ZNF521: variants seen among roughly 807,000 people sequenced by gnomAD.
ZNF521 encodes zinc finger protein 521.
ZNF521 carries 14 observed loss-of-function variants against 105.5 expected under a neutral mutation model. That is an observed-to-expected ratio of 0.13 (90% CI 0.09 to 0.21). ZNF521 has a LOEUF of 0.21. Among genes scored for constraint, ZNF521 ranks in the 10% least tolerant of loss-of-function variants. The pLI, the probability that ZNF521 is intolerant of heterozygous loss-of-function variation, is 1.00. For missense variants in ZNF521, 1,233 were observed against 1,629.7 expected, an observed-to-expected ratio of 0.76 and a Z score of 4.19; for synonymous variants, 635 against 606.0, an observed-to-expected ratio of 1.05 and a Z score of -0.70.
rs2035880438 is a variant in ZNF521, at chr18:25,195,070, A to G, written c.3658+90T>C. The G allele has an allele frequency of 2.8e-5, 29 of 1,035,264 alleles. No individual in the cohort carries two copies. The South Asian group carries it at 3.6e-4, about 13-fold the overall frequency. 64.1% of individuals were successfully genotyped at this position (1,035,264 alleles called of 1,614,324 possible). A position where few individuals can be genotyped will look rare whatever the true frequency, so the allele number is the denominator to read the frequency against. ...TGCCGAGGAAAAACAATGATGGTTGAACAATTAATTCATCTTTAACTCTGT... is the reference window on the plus strand; with the variant it reads ...TGCCGAGGAAAAACAATGATGGTTGGACAATTAATTCATCTTTAACTCTGT... On this transcript the variant is annotated intron_variant, in intron 5 of 7. Transcript: ENST00000361524.
At chr18:25,273,813 A>G (rs1396736903) in intron 3 of ZNF521, among the ~76,000 whole-genome samples, 1 of 152,170 alleles carries the variant, frequency 6.6e-6, no homozygotes, top group Admixed American at 6.5e-5. Context: ...TACAGGCCTT[A>G]TTATAAGAAA....
intron 4 of ZNF521, among the ~76,000 whole-genome samples, chr18:25,206,889 C>T (rs986652413): frequency 6.6e-6 from 1 of 152,098 alleles, no homozygotes; most frequent in African/African-American, 2.4e-5. Context: ...GTTGTTTGTA[C>T]TCTTAGTAAA....
chr18:25,080,445 G>A (rs1245197774), intron 7 of ZNF521, among the ~76,000 whole-genome samples: 1 of 152,190 alleles, frequency 6.6e-6, no homozygotes, highest in Admixed American at 6.5e-5. Flanking sequence ...CTGCAGGGCA[G>A]AGCCTGTTCC....
At chr18:25,224,247 G>T in intron 4 of ZNF521, 98 bp downstream of exon 4, 2 of 1,114,686 alleles carry the variant, frequency 1.8e-6, no homozygotes, top group Non-Finnish European at 2.6e-6. Flanking sequence ...AGCATCTTTT[G>T]GCCCATGACA....
intron 7 of ZNF521, among the ~76,000 whole-genome samples, chr18:25,071,137 G>C (rs1008038846): frequency 6.6e-6 from 1 of 152,040 alleles, no homozygotes; most frequent in Non-Finnish European, 1.5e-5. Flanking sequence ...TTATAAGATG[G>C]TATTTTCCCC....
In ZNF521 at chr18:25,070,630, T is replaced by C. The variant is rs148821741; in HGVS notation, c.3907-7889A>G. Among the ~76,000 whole-genome samples the C allele has an allele frequency of 9.5e-3, 1,453 of 152,236 alleles. 32 individuals carry two copies. Among genetic ancestry groups the C allele is most frequent in the African/African-American group, 0.033 (1,364 of 41,534 alleles). On this transcript the variant is annotated intron_variant, in intron 7 of 7. Transcript: ENST00000361524. ...CTGACATTTGGCGCTGGACAATTCTTTGTTGCAGGGGGTTGTCCTGGGTAT... is the reference window on the plus strand; with the variant it reads ...CTGACATTTGGCGCTGGACAATTCTCTGTTGCAGGGGGTTGTCCTGGGTAT...
chr18:25,186,104 T>C (rs58364951), intron 5 of ZNF521, among the ~76,000 whole-genome samples: 25,562 of 152,226 alleles, frequency 0.17, 2,668 homozygotes, highest in Middle Eastern at 0.23. Flanking sequence ...TTGAAAGTCT[T>C]ACTTTTCAGT....
At chr18:25,269,198 T>A (rs747326215) in intron 3 of ZNF521, among the ~76,000 whole-genome samples, 4 of 151,260 alleles carry the variant, frequency 2.6e-5, no homozygotes, top group African/African-American at 4.9e-5. Context: ...AAGAAGGGCA[T>A]TACATAATCG....
At chr18:25,286,535 C>T (rs2145010304) in intron 3 of ZNF521, among the ~76,000 whole-genome samples, 1 of 152,242 alleles carries the variant, frequency 6.6e-6, no homozygotes, top group South Asian at 2.1e-4. Flanking sequence ...AACAGATTTC[C>T]AATCTTAGCT....
intron 3 of ZNF521, among the ~76,000 whole-genome samples, chr18:25,262,608 G>A (rs1908986452): frequency 6.6e-6 from 1 of 152,134 alleles, no homozygotes; most frequent in African/African-American, 2.4e-5. Context: ...TGAAACTCAT[G>A]GGTAAGAAAA....
At chr18:25,092,557 T>C (rs2033768590) in intron 5 of ZNF521, among the ~76,000 whole-genome samples, 1 of 152,232 alleles carries the variant, frequency 6.6e-6, no homozygotes, top group Non-Finnish European at 1.5e-5. Context: ...TTTCCAAGAA[T>C]TTCTGGCAAT....
intron 5 of ZNF521, among the ~76,000 whole-genome samples, chr18:25,180,222 A>G (rs1462501683): frequency 6.6e-6 from 1 of 152,220 alleles, no homozygotes; most frequent in South Asian, 2.1e-4. Flanking sequence ...ATGTATCCTT[A>G]ATAAGATAAG....
At chr18:25,098,454 A>T (rs189179946) in intron 5 of ZNF521, among the ~76,000 whole-genome samples, 13 of 151,408 alleles carry the variant, frequency 8.6e-5, no homozygotes, top group Non-Finnish European at 1.8e-4. Flanking sequence ...TTTTTTTATT[A>T]AAAAAAAACT....
chr18:25,235,159 G>A (rs1204302189), intron 3 of ZNF521, among the ~76,000 whole-genome samples: 1 of 152,174 alleles, frequency 6.6e-6, no homozygotes, highest in Non-Finnish European at 1.5e-5. Context: ...AAGTCCAGGA[G>A]CCACATTCCA....
chr18:25,162,123 C>T (rs1294926252), intron 5 of ZNF521, among the ~76,000 whole-genome samples: 1 of 152,256 alleles, frequency 6.6e-6, no homozygotes, highest in African/African-American at 2.4e-5. Context: ...ATTTTCCTTC[C>T]TCTGTATGTG....
At chr18:25,249,212 C>T (rs897833896) in intron 3 of ZNF521, among the ~76,000 whole-genome samples, 123 of 150,904 alleles carry the variant, frequency 8.2e-4, no homozygotes, top group Admixed American at 2.2e-3. Flanking sequence ...GGTGCAATCT[C>T]GGCTCACTGC....
chr18:25,316,174 A>C (rs1301031912), intron 3 of ZNF521, among the ~76,000 whole-genome samples: 2 of 152,126 alleles, frequency 1.3e-5, no homozygotes, highest in Non-Finnish European at 2.9e-5. Flanking sequence ...TTGAGAAAGC[A>C]GCAAGATAAG....
At chr18:25,333,385 G>C (rs773167761) in intron 2 of ZNF521, among the ~76,000 whole-genome samples, 5 of 150,808 alleles carry the variant, frequency 3.3e-5, no homozygotes, top group African/African-American at 9.8e-5. Context: ...ATTCTCAGAG[G>C]GTGGGCAGAA....
intron 5 of ZNF521, among the ~76,000 whole-genome samples, chr18:25,172,555 C>A (rs1238216403): frequency 6.6e-6 from 1 of 152,168 alleles, no homozygotes; most frequent in Admixed American, 6.5e-5. Context: ...CTGAGCTAAA[C>A]AGACTTGATT....
Sources: allele counts gnomAD v4.1 joint callset (sites outside exome capture counted in the v4.1 genomes callset), GRCh38; gene constraint gnomAD v4.1.1; transcripts MANE v1.5; gene names NCBI Gene and HGNC (gene_info 2026-07-23, HGNC 2026-07-21).